PKHD1: variants seen among roughly 807,000 people sequenced by gnomAD.
PKHD1 encodes PKHD1 ciliary IPT domain containing fibrocystin/polyductin.
A neutral mutation model predicts 412.0 loss-of-function variants in PKHD1; 291 were observed. The ratio of observed to expected loss-of-function variants is 0.71; its 90% CI spans 0.64 to 0.78. The LOEUF is 0.78. PKHD1 is among the 30% of genes least tolerant of loss of function. The probability of loss-of-function intolerance (pLI) is 0.00; values close to 1 mark genes in which losing one functional copy is unlikely to be tolerated. For synonymous variants in PKHD1, 1,777 were observed against 1,821.5 expected (o/e 0.98, Z 0.62); for missense variants, 4,825 against 4,950.7 (o/e 0.97, Z 0.76).
chr6:52,082,486 C>G lies in PKHD1; in HGVS notation c.187G>C (p.Val63Leu). 1 of 1,613,972 alleles carries G rather than the reference C, an allele frequency of 6.2e-7. No individual in the cohort carries two copies. ...GCGGGCACCACCATGTTCACGTTCA[C>G]CAGGTGTATCTCCAATTGAGAGCCA... ...NNGSQLEIHLVNVNMVVPALR... is the reference protein window; with the variant it reads ...NNGSQLEIHLLNVNMVVPALR... The change falls in exon 4 of 67, where the codon GTG becomes CTG. Residue 63 changes from valine (V) to leucine (L), a missense_variant. Transcript: ENST00000371117.
chr6:51,808,698 G>T (rs1372406687), intron 52 of PKHD1, among the ~76,000 whole-genome samples: 1 of 152,014 alleles, frequency 6.6e-6, no homozygotes, highest in African/African-American at 2.4e-5. Context: ...TTTACATTTT[G>T]ATAGGTAATG....
At position 52,073,314 on chromosome 6, in the gene PKHD1, C is replaced by A. The variant is rs1810894864; in HGVS notation, c.527+149G>T. On this transcript the variant is annotated intron_variant, in intron 7 of 66. Transcript: ENST00000371117. ...ATTACATTAACAAAGTTTGCTGAAG[C>A]CCAGCTCATGAGGGACCATAAACTG... 6.9e-6 allele frequency: 5 copies of A among 728,930 alleles called. No homozygotes were observed. In the Admixed American group the frequency reaches 9.8e-5, roughly 14 times the overall value. 45.2% of individuals were successfully genotyped at this position (728,930 alleles called of 1,614,324 possible).
At chr6:52,014,198 T>C (rs1351710782) in intron 34 of PKHD1, among the ~76,000 whole-genome samples, 2 of 152,224 alleles carry the variant, frequency 1.3e-5, no homozygotes, top group African/African-American at 4.8e-5. Flanking sequence ...AACTCGACAG[T>C]TCTTTTGCAT....
intron 37 of PKHD1, among the ~76,000 whole-genome samples, chr6:51,917,471 T>C (rs1215105570): frequency 6.6e-6 from 1 of 151,718 alleles, no homozygotes; most frequent in Non-Finnish European, 1.5e-5. Context: ...GTACAAGAAA[T>C]AGACAAAAAT....
intron 50 of PKHD1, among the ~76,000 whole-genome samples, chr6:51,846,155 A>G (rs1270698669): frequency 6.6e-6 from 1 of 152,254 alleles, no homozygotes; most frequent in East Asian, 1.9e-4. Flanking sequence ...TGAATGGTAT[A>G]ATTCAGTGCA....
chr6:52,079,604 A>T (rs1036316822), intron 5 of PKHD1, among the ~76,000 whole-genome samples: 1 of 152,168 alleles, frequency 6.6e-6, no homozygotes, highest in East Asian at 1.9e-4. Context: ...CAAATTATTT[A>T]ATCACCCTGA....
At chr6:52,065,847 AC>A in intron 12 of PKHD1, 128 bp downstream of exon 12, 1 of 692,022 alleles carries the variant, frequency 1.4e-6, no homozygotes, top group Non-Finnish European at 2.6e-6. Context: ...CAAACACATG[AC>A]TTATCAAACA....
chr6:51,907,223 C>T (rs1782241134), intron 40 of PKHD1, among the ~76,000 whole-genome samples: 5 of 152,146 alleles, frequency 3.3e-5, no homozygotes, highest in Admixed American at 3.3e-4. Context: ...GAGAAAGATA[C>T]AGATGCCAAG....
At position 52,032,913 on chromosome 6, in the gene PKHD1, A is replaced by C. The variant is rs370139508; in HGVS notation, c.3364+117T>G. The C allele has an allele frequency of 1.5e-4, 133 of 911,990 alleles. 1 individual carries two copies. In the South Asian group the frequency reaches 1.7e-3, roughly 12 times the overall value. The allele number at this position is 911,990 out of a possible 1,614,324, so 56.5% of individuals were successfully genotyped here. A position where few individuals can be genotyped will look rare whatever the true frequency, so the allele number is the denominator to read the frequency against. On this transcript the variant is annotated intron_variant, in intron 29 of 66. Transcript: ENST00000371117. The stretch of plus-strand genomic sequence containing the variant: ...GCTAAGATGAAAAAAGCAATCTCCT[A>C]GCTTTCAAGAAAAAACTTAAATCCA...
At chr6:51,941,465 C>A (rs1455730227) in intron 36 of PKHD1, among the ~76,000 whole-genome samples, 1 of 150,216 alleles carries the variant, frequency 6.7e-6, no homozygotes, top group Non-Finnish European at 1.5e-5. Context: ...CCTTGTTAGC[C>A]AGGATGGTCT....
chr6:51,738,560 T>C (rs1784151475), intron 60 of PKHD1, among the ~76,000 whole-genome samples: 1 of 152,232 alleles, frequency 6.6e-6, no homozygotes, highest in Non-Finnish European at 1.5e-5. Flanking sequence ...GATATGTTCA[T>C]TTGCTTCACT....
chr6:51,969,968 T>A (rs1455659614), intron 35 of PKHD1, among the ~76,000 whole-genome samples: 1 of 152,224 alleles, frequency 6.6e-6, no homozygotes, highest in African/African-American at 2.4e-5. Context: ...GTGGGATTGC[T>A]AGATCAAATG....
chr6:51,836,097 C>T (rs1292641536), intron 51 of PKHD1, among the ~76,000 whole-genome samples: 2 of 152,088 alleles, frequency 1.3e-5, no homozygotes, highest in Non-Finnish European at 2.9e-5. Context: ...TTGGAGGGGG[C>T]CTAATAGCCC....
In PKHD1 at chr6:52,028,324, G is replaced by A. The variant is rs754959843; in HGVS notation, c.3392C>T (p.Ala1131Val). The change falls in exon 30 of 67, where the codon GCG (alanine) becomes GTG (valine). Residue 1131 changes from alanine to valine, a missense_variant. Physicochemically the swap from Ala to Val is moderately conservative, Grantham distance 64. Coordinates refer to ENST00000371117, the MANE Select transcript of PKHD1 (RefSeq NM_138694.4). The stretch of plus-strand genomic sequence containing the variant: ...CAAATCCGTATAGTTCATCAGCCTC[G>A]CCACTCCAATGACCAGGGTCTCACC... ...AGGETLVIGVARLMNYTDLDV... is the reference protein window; with the variant it reads ...AGGETLVIGVVRLMNYTDLDV... 5.6e-6 allele frequency: 9 copies of A among 1,613,740 alleles called. No homozygotes were observed. The African/African-American group carries it at 6.7e-5, about 12-fold the overall frequency.
intron 15 of PKHD1, 42 bp downstream of exon 15, chr6:52,059,886 G>T: frequency 1.1e-6 from 1 of 934,186 alleles, no homozygotes; most frequent in Non-Finnish European, 1.8e-6. Context: ...ATGGGTATGG[G>T]ACTGGCAACA....
chr6:51,665,302 G>A (rs189682140), intron 60 of PKHD1, among the ~76,000 whole-genome samples: 5 of 152,234 alleles, frequency 3.3e-5, no homozygotes, highest in Admixed American at 3.3e-4. Context: ...ATGATGATTG[G>A]GATGTGACTG....
intron 60 of PKHD1, among the ~76,000 whole-genome samples, chr6:51,691,672 G>C (rs1778172233): frequency 6.6e-6 from 1 of 152,078 alleles, no homozygotes; most frequent in Non-Finnish European, 1.5e-5. Flanking sequence ...GAGGGTAGAA[G>C]AATTAAGAGG....
At chr6:51,928,779 A>C (rs946364851) in intron 37 of PKHD1, among the ~76,000 whole-genome samples, 2 of 152,150 alleles carry the variant, frequency 1.3e-5, no homozygotes, top group African/African-American at 4.8e-5. Flanking sequence ...AAGTCAATAC[A>C]TGCAGAGACA....
At position 52,066,086 on chromosome 6, in the gene PKHD1, G is replaced by GT. The variant is rs778840993; in HGVS notation, c.779-10dup. 2.0e-6 allele frequency: 2 copies of GT among 1,007,156 alleles called. No individual in the cohort carries two copies. The highest frequency in any genetic ancestry group is 2.3e-5 in the Admixed American group (1 of 43,216). 62.4% of individuals were successfully genotyped at this position (1,007,156 alleles called of 1,614,324 possible). On this transcript the variant is annotated splice_polypyrimidine_tract_variant and intron_variant, in intron 11 of 66. Coordinates refer to ENST00000371117, the MANE Select transcript of PKHD1 (RefSeq NM_138694.4). ...AAACACAGATAATATTTCTGCAAGAGTTAAAAAAAAAAAAAAGTAAGCTTC... is the reference window on the plus strand; with the variant it reads ...AAACACAGATAATATTTCTGCAAGAGTTTAAAAAAAAAAAAAAGTAAGCTTC...
Sources: allele counts gnomAD v4.1 joint callset (sites outside exome capture counted in the v4.1 genomes callset), GRCh38; gene constraint gnomAD v4.1.1; transcripts MANE v1.5; gene names NCBI Gene and HGNC (gene_info 2026-07-23, HGNC 2026-07-21).